The following TMEM131 variants were observed in gnomAD, a reference collection of about 807,000 sequenced individuals.
TMEM131 encodes the protein transmembrane protein 131, also known as 2610524E03Rik.
A neutral mutation model predicts 211.6 loss-of-function variants in TMEM131; 66 were observed. That is an observed-to-expected ratio of 0.31 (90% CI 0.26 to 0.38). The LOEUF (loss-of-function observed/expected upper bound fraction) is 0.38. Ranked by LOEUF, TMEM131 falls within the 10% of genes least tolerant of loss-of-function variation. The pLI is 1.00. For missense variants in TMEM131, 2,036 were observed against 2,299.3 expected, an observed-to-expected ratio of 0.89 and a Z score of 2.34; for synonymous variants, 844 against 841.3, an observed-to-expected ratio of 1.00 and a Z score of -0.06.
chr2:97,937,040 CAAG>C (rs1339061243), intron 1 of TMEM131, among the ~76,000 whole-genome samples: 1 of 151,952 alleles, frequency 6.6e-6, no homozygotes, highest in Non-Finnish European at 1.5e-5. Context: ...TTTAAAGAAA[CAAG>C]AAAGTATGGC....
Position 97,995,918 on chromosome 2 carries a change from G to C in TMEM131, c.-256C>G, listed in dbSNP as rs1680496697. ...GGCCGCGGGTCAGGCGCGGCGGGCG[G>C]CCATACTGGAAACGGGCACGGCCCG... On this transcript the variant is annotated 5_prime_UTR_variant, in exon 1 of 41. Coordinates refer to ENST00000186436, the MANE Select transcript of TMEM131 (RefSeq NM_015348.2). 1 of 210,230 alleles carries C rather than the reference G, an allele frequency of 4.8e-6. No homozygotes were observed. The highest frequency in any genetic ancestry group is 2.3e-5 in the African/African-American group (1 of 43,010). The allele number at this position is 210,230 out of a possible 1,614,324, so 13.0% of individuals were successfully genotyped here. A position where few individuals can be genotyped will look rare whatever the true frequency, so the allele number is the denominator to read the frequency against.
chr2:97,812,445 T>C lies in TMEM131; in HGVS notation c.1839A>G (p.Lys613=). The C allele has an allele frequency of 6.2e-7, 1 of 1,609,642 alleles. No homozygotes were observed. The highest frequency in any genetic ancestry group is 2.2e-5 in the East Asian group (1 of 44,778). Residue 613 remains lysine, a synonymous_variant, in exon 17 of 41, where the codon AAA becomes AAG. Coordinates refer to ENST00000186436, the MANE Select transcript of TMEM131 (RefSeq NM_015348.2). ...TIISSLPEFE[K]SSLSDQSSVT... Reference sequence around the variant, plus strand: ...CCGATGATTGATCTGATAAAGAGGATTTTTCAAACTCTGGCAGGCTTGAAA... The same window carrying C: ...CCGATGATTGATCTGATAAAGAGGACTTTTCAAACTCTGGCAGGCTTGAAA...
At chr2:97,799,747 T>G (rs1456473032) in intron 25 of TMEM131, among the ~76,000 whole-genome samples, 1 of 152,214 alleles carries the variant, frequency 6.6e-6, no homozygotes. Context: ...GAACCAGTAT[T>G]TTCCAAAAGA....
Position 97,908,107 on chromosome 2 carries a change from G to A in TMEM131, c.290+551C>T, listed in dbSNP as rs141084666. 1.2e-4 allele frequency among the ~76,000 whole-genome samples: 18 copies of A among 152,292 alleles called. No individual in the cohort carries two copies. In the East Asian group the frequency reaches 1.9e-3, roughly 16 times the overall value. Reference sequence around the variant, plus strand: ...TATGTCTCTTTACAGATGTGAGAAGGTATCAAAAGACCAAATAATTTGGTT... The same window carrying A: ...TATGTCTCTTTACAGATGTGAGAAGATATCAAAAGACCAAATAATTTGGTT... On this transcript the variant is annotated intron_variant, in intron 3 of 40. Transcript: ENST00000186436.
intron 1 of TMEM131, among the ~76,000 whole-genome samples, chr2:97,980,319 T>C (rs1183132997): frequency 6.6e-6 from 1 of 152,194 alleles, no homozygotes; most frequent in Non-Finnish European, 1.5e-5. Context: ...AACCTTCCAT[T>C]TGTAAACAGC....
chr2:97,776,086 C>T lies in TMEM131; in HGVS notation c.4145-68G>A, dbSNP rs556523021. ...CTTTTTTTTTTGAGATGGAGTCTTG[C>T]TCTGTCACCCAGGCTGGAGTGCAGT... On this transcript the variant is annotated intron_variant, in intron 31 of 40. Coordinates refer to ENST00000186436, the MANE Select transcript of TMEM131 (RefSeq NM_015348.2). 12 of 1,505,780 alleles carry T rather than the reference C, an allele frequency of 8.0e-6. No homozygotes were observed. The East Asian group carries it at 2.5e-4, about 31-fold the overall frequency. The allele number at this position is 1,505,780 out of a possible 1,614,324, so 93.3% of individuals were successfully genotyped here.
intron 12 of TMEM131, among the ~76,000 whole-genome samples, chr2:97,817,923 T>C (rs998480936): frequency 2.0e-5 from 3 of 152,238 alleles, no homozygotes; most frequent in Non-Finnish European, 2.9e-5. Context: ...AAAAAAGCCC[T>C]GTTCAGAGGT....
chr2:97,762,249 G>A (rs777703287), intron 35 of TMEM131, 49 bp from the exon 36 acceptor site: 34 of 1,572,384 alleles, frequency 2.2e-5, no homozygotes, highest in Admixed American at 1.4e-4. Flanking sequence ...TTTGATTAGC[G>A]CTCTTCCAAA....
chr2:97,867,671 G>T (rs1674326959), intron 4 of TMEM131, among the ~76,000 whole-genome samples: 1 of 152,200 alleles, frequency 6.6e-6, no homozygotes, highest in Non-Finnish European at 1.5e-5. Context: ...GTCCTAGAGT[G>T]GGGTGGGTGA....
chr2:97,815,062 G>C (rs1681754299), intron 13 of TMEM131, 137 bp downstream of exon 13: 1 of 459,788 alleles, frequency 2.2e-6, no homozygotes, highest in Non-Finnish European at 3.6e-6. Context: ...CTCTTTTATA[G>C]TTGGGGCTGT....
chr2:97,815,474 A>T (rs974117207), intron 12 of TMEM131, among the ~76,000 whole-genome samples, 167 bp from the exon 13 acceptor site: 1 of 152,146 alleles, frequency 6.6e-6, no homozygotes, highest in African/African-American at 2.4e-5. Flanking sequence ...TTTTTCATAC[A>T]AAAGGGGGAA....
In TMEM131 at chr2:97,981,028, CAAAAAAAAAAAAAAAAAAAA is replaced by C. The variant is rs57606185; in HGVS notation, c.187+14428_187+14447del. On this transcript the variant is annotated intron_variant, in intron 1 of 40. Coordinates refer to ENST00000186436, the MANE Select transcript of TMEM131 (RefSeq NM_015348.2). The stretch of plus-strand genomic sequence containing the variant: ...TGCTGAAACTCACAGAACTACACAC[CAAAAAAAAAAAAAAAAAAAA>C]AAAAAAAAAAAAAAAAAAAGTTTAA... 7.4e-3 allele frequency among the ~76,000 whole-genome samples: 280 copies of C among 37,976 alleles called. 5 individuals are homozygous for C. Among genetic ancestry groups the C allele is most frequent in the African/African-American group, 0.025 (255 of 10,266 alleles). The allele number at this position is 37,976 out of a possible 152,430, so 24.9% of individuals were successfully genotyped here. A position where few individuals can be genotyped will look rare whatever the true frequency, so the allele number is the denominator to read the frequency against.
intron 4 of TMEM131, among the ~76,000 whole-genome samples, chr2:97,861,684 G>A (rs1316073132): frequency 6.6e-6 from 1 of 151,952 alleles, no homozygotes; most frequent in East Asian, 1.9e-4. Context: ...ATGGGTTGAA[G>A]GCCAGCTCAG....
intron 38 of TMEM131, 177 bp downstream of exon 38, chr2:97,760,416 C>CGGCTTT (rs1553582727): frequency 7.8e-6 from 5 of 643,816 alleles, no homozygotes; most frequent in Non-Finnish European, 1.3e-5. Flanking sequence ...GCACCGCAGC[C>CGGCTTT]GGCTTTCTGC....
chr2:97,869,584 G>A (rs117799400), intron 4 of TMEM131, among the ~76,000 whole-genome samples: 5 of 152,292 alleles, frequency 3.3e-5, no homozygotes, highest in East Asian at 1.9e-4. Context: ...TAGTCGTTGC[G>A]TGCTCAAACA....
At chr2:97,926,584 C>G (rs1040778374) in intron 2 of TMEM131, among the ~76,000 whole-genome samples, 1 of 152,090 alleles carries the variant, frequency 6.6e-6, no homozygotes, top group Non-Finnish European at 1.5e-5. Flanking sequence ...CCAATTGATA[C>G]TACTTGCCCT....
intron 1 of TMEM131, among the ~76,000 whole-genome samples, chr2:97,929,903 T>C (rs1677148382): frequency 6.6e-6 from 1 of 151,828 alleles, no homozygotes; most frequent in South Asian, 2.1e-4. Flanking sequence ...TCAGAGCTAA[T>C]GGCTCCAACA....
intron 33 of TMEM131, among the ~76,000 whole-genome samples, chr2:97,769,173 G>C (rs1026978519): frequency 6.0e-5 from 9 of 150,996 alleles, no homozygotes; most frequent in Non-Finnish European, 1.0e-4. Flanking sequence ...CTTTTTGTAA[G>C]ATAAGGTCTT....
At chr2:97,815,406 T>G (rs1681776351) in intron 12 of TMEM131, 99 bp from the exon 13 acceptor site, 1 of 681,150 alleles carries the variant, frequency 1.5e-6, no homozygotes, top group Non-Finnish European at 2.3e-6. Flanking sequence ...AAAAAAAAGT[T>G]GAGCTTCCAA....
Sources: allele counts gnomAD v4.1 joint callset (sites outside exome capture counted in the v4.1 genomes callset), GRCh38; gene constraint gnomAD v4.1.1; transcripts MANE v1.5; gene names NCBI Gene and HGNC (gene_info 2026-07-23, HGNC 2026-07-21).